KIAA1671: variants seen among roughly 807,000 people sequenced by gnomAD.
The protein encoded by KIAA1671 is KIAA1671.
In KIAA1671, 52 loss-of-function variants were observed where a neutral mutation model predicts 131.2. That is an observed-to-expected ratio of 0.40 (90% CI 0.32 to 0.50). KIAA1671 has a LOEUF of 0.50. Ranked by LOEUF, KIAA1671 falls within the 20% of genes least tolerant of loss-of-function variation. The probability of loss-of-function intolerance (pLI) is 0.73; values close to 1 mark genes in which losing one functional copy is unlikely to be tolerated. For missense variants in KIAA1671, 2,360 were observed against 2,364.2 expected, an observed-to-expected ratio of 1.00 and a Z score of 0.04; for synonymous variants, 1,003 against 961.6, an observed-to-expected ratio of 1.04 and a Z score of -0.80.
chr22:24,983,856 A>G (rs985686699), intron 1 of KIAA1671, among the ~76,000 whole-genome samples: 1 of 145,348 alleles, frequency 6.9e-6, no homozygotes, highest in African/African-American at 2.6e-5. Context: ...TCGGCTCACC[A>G]CAACCTCCGC....
intron 6 of KIAA1671, among the ~76,000 whole-genome samples, chr22:25,085,517 C>CA (rs1929659121): frequency 6.6e-6 from 1 of 151,596 alleles, no homozygotes; most frequent in Non-Finnish European, 1.5e-5. Flanking sequence ...CCTCCCCCCC[C>CA]ATAACCCCCT....
intron 1 of KIAA1671, among the ~76,000 whole-genome samples, chr22:25,001,678 C>G (rs918185329): frequency 6.6e-6 from 1 of 152,046 alleles, no homozygotes; most frequent in African/African-American, 2.4e-5. Context: ...CTTTAGGGCA[C>G]TTTCTATTTT....
chr22:24,958,989 A>AG (rs1339822284), intron 1 of KIAA1671, among the ~76,000 whole-genome samples: 5 of 150,546 alleles, frequency 3.3e-5, no homozygotes, highest in Non-Finnish European at 7.4e-5. Context: ...TCAAAAAAAA[A>AG]AAAAAAAAAG....
intron 6 of KIAA1671, among the ~76,000 whole-genome samples, chr22:25,127,808 G>A (rs1347824575): frequency 1.3e-5 from 2 of 152,222 alleles, no homozygotes; most frequent in African/African-American, 2.4e-5. Flanking sequence ...GATCTGCTTA[G>A]TGAGTTTCCT....
chr22:24,980,113 T>C (rs1467858133), intron 1 of KIAA1671, among the ~76,000 whole-genome samples: 1 of 151,696 alleles, frequency 6.6e-6, no homozygotes, highest in Non-Finnish European at 1.5e-5. Flanking sequence ...ATTCCCTTCT[T>C]TTTAAAGGCT....
chr22:25,093,717 A>ACTCTCTCTCTCTCTTTCTCTCTCTCT (rs1930141387), intron 6 of KIAA1671, among the ~76,000 whole-genome samples: 1 of 114,812 alleles, frequency 8.7e-6, no homozygotes, highest in Non-Finnish European at 1.6e-5. Context: ...ACACACACAC[A>ACTCTCTCTCTCTCTTTCTCTCTCTCT]CACACACACA....
intron 6 of KIAA1671, among the ~76,000 whole-genome samples, chr22:25,115,623 T>C (rs1437946160): frequency 1.3e-5 from 2 of 152,174 alleles, no homozygotes; most frequent in South Asian, 4.1e-4. Context: ...CCTACCTTCC[T>C]AGAAGGCTAG....
rs377003902 is a variant in KIAA1671 at position 25,178,835 on chromosome 22, AT to A, written c.5074+1314del. ...CTGCACACGCAGGCTCCCAGACACC[AT>A]CACCCGCCTCCCCCGTTGCCCCTCC... On this transcript the variant is annotated intron_variant, in intron 9 of 12. Transcript: ENST00000358431. Among the ~76,000 whole-genome samples the A allele has an allele frequency of 1.8e-3, 275 of 150,780 alleles. 5 individuals carry two copies. In the East Asian group the frequency reaches 0.045, roughly 25 times the overall value.
chr22:25,170,801 A>T lies in KIAA1671; in HGVS notation c.4531-19A>T. ...GTACATTTCCTGGTAGAAATCTCAC[A>T]TCTGGCTTGTCTTTGCAGGACCAGC... On this transcript the variant is annotated intron_variant, in intron 6 of 12. Coordinates refer to ENST00000358431, the MANE Select transcript of KIAA1671 (RefSeq NM_001145206.2). 1 of 1,550,334 alleles carries T rather than the reference A, an allele frequency of 6.5e-7. No individual in the cohort carries two copies. The highest frequency in any genetic ancestry group is 8.7e-7 in the Non-Finnish European group (1 of 1,145,782).
At chr22:25,045,028 G>A (rs2145813596) in intron 5 of KIAA1671, among the ~76,000 whole-genome samples, 1 of 152,190 alleles carries the variant, frequency 6.6e-6, no homozygotes, top group East Asian at 1.9e-4. Flanking sequence ...GGGCACAGTG[G>A]CGGGCGCCTG....
rs777320005 is a variant in KIAA1671 at position 25,193,200 on chromosome 22, T to G, written c.*799T>G. ...TCTGAAGTATCCAGTCACCTCAGGT[T>G]ATCTTATCCCTATCCAAGCTGTTTA... On this transcript the variant is annotated 3_prime_UTR_variant, in exon 13 of 13. Transcript: ENST00000358431. The G allele has an allele frequency of 6.6e-6, 1 of 152,252 alleles. No homozygotes were observed. Among genetic ancestry groups the G allele is most frequent in the African/African-American group, 2.4e-5 (1 of 41,470 alleles). 9.4% of individuals were successfully genotyped at this position (152,252 alleles called of 1,614,324 possible). A position where few individuals can be genotyped will look rare whatever the true frequency, so the allele number is the denominator to read the frequency against.
intron 6 of KIAA1671, among the ~76,000 whole-genome samples, chr22:25,147,867 G>A (rs897205557): frequency 2.0e-4 from 30 of 152,218 alleles, no homozygotes; most frequent in African/African-American, 6.0e-4. Context: ...TCGAAGAGGC[G>A]AGCTCTGTTT....
Position 25,073,741 on chromosome 22 carries a change from C to T in KIAA1671, c.4530+24377C>T, listed in dbSNP as rs576530563. ...TTAGGTAGTCTTGCTCTGTTGCCCACGCAGGAGTGCAGTGGCATGATCTTG... is the reference window on the plus strand; with the variant it reads ...TTAGGTAGTCTTGCTCTGTTGCCCATGCAGGAGTGCAGTGGCATGATCTTG... On this transcript the variant is annotated intron_variant, in intron 6 of 12. Coordinates refer to ENST00000358431, the MANE Select transcript of KIAA1671 (RefSeq NM_001145206.2). 2.9e-3 allele frequency among the ~76,000 whole-genome samples: 449 copies of T among 152,286 alleles called. 1 individual carries two copies. The highest frequency in any genetic ancestry group is 4.7e-3 in the Non-Finnish European group (321 of 68,032).
intron 9 of KIAA1671, among the ~76,000 whole-genome samples, chr22:25,178,718 C>T (rs540730648): frequency 7.9e-4 from 120 of 152,274 alleles, no homozygotes; most frequent in Non-Finnish European, 1.1e-3. Context: ...GGGTGTCCAC[C>T]TCAGGCCGGG....
intron 1 of KIAA1671, among the ~76,000 whole-genome samples, chr22:24,969,629 G>A (rs1922493753): frequency 6.6e-6 from 1 of 152,146 alleles, no homozygotes; most frequent in Non-Finnish European, 1.5e-5. Context: ...AAGATAACTG[G>A]TGCTAATATT....
intron 9 of KIAA1671, chr22:25,179,342 C>T: frequency 1.9e-6 from 3 of 1,594,024 alleles, no homozygotes; most frequent in Non-Finnish European, 2.6e-6. Flanking sequence ...GCTCCTTGTT[C>T]CTGCGCACCT....
intron 6 of KIAA1671, chr22:25,060,495 A>C (rs1170926740): frequency 6.6e-6 from 1 of 152,276 alleles, no homozygotes; most frequent in East Asian, 1.9e-4. Context: ...TCCTGATTTC[A>C]ATGTGACATC....
chr22:24,992,282 G>T (rs1319570372), intron 1 of KIAA1671, among the ~76,000 whole-genome samples: 2 of 152,136 alleles, frequency 1.3e-5, no homozygotes, highest in African/African-American at 4.8e-5. Flanking sequence ...TAACTTTCAG[G>T]GTTCACATGG....
intron 6 of KIAA1671, among the ~76,000 whole-genome samples, chr22:25,134,929 C>T (rs5760868): frequency 0.04 from 6,089 of 152,256 alleles, 141 homozygotes; most frequent in East Asian, 0.11. Flanking sequence ...AGCACCATGT[C>T]ACGTAGCAGA....
Sources: allele counts gnomAD v4.1 joint callset (sites outside exome capture counted in the v4.1 genomes callset), GRCh38; gene constraint gnomAD v4.1.1; transcripts MANE v1.5; gene names NCBI Gene and HGNC (gene_info 2026-07-23, HGNC 2026-07-21).